The following ZNF804B variants were observed in gnomAD, a reference collection of about 807,000 sequenced individuals.
ZNF804B encodes zinc finger protein 804B.
A neutral mutation model predicts 101.4 loss-of-function variants in ZNF804B; 80 were observed. The observed-to-expected ratio is 0.79, with a 90% CI of 0.66 to 0.95. The LOEUF is 0.95. Ranked by LOEUF, ZNF804B falls within the 40% of genes least tolerant of loss-of-function variation. The probability of loss-of-function intolerance (pLI) is 0.00; values close to 1 mark genes in which losing one functional copy is unlikely to be tolerated. For missense variants in ZNF804B, 1,673 were observed against 1,561.9 expected (o/e 1.07, Z -1.20); for synonymous variants, 622 against 558.8 (o/e 1.11, Z -1.59).
intron 1 of ZNF804B, among the ~76,000 whole-genome samples, chr7:88,881,684 T>A (rs1792030917): frequency 6.6e-6 from 1 of 152,104 alleles, no homozygotes; most frequent in Non-Finnish European, 1.5e-5. Context: ...ACAAAAAAAA[T>A]AAATTAGTAA....
At chr7:88,984,667 G>A (rs1793735425) in intron 1 of ZNF804B, among the ~76,000 whole-genome samples, 1 of 152,006 alleles carries the variant, frequency 6.6e-6, no homozygotes, top group South Asian at 2.1e-4. Context: ...TACATTCCAA[G>A]TTAGCTCTCC....
intron 1 of ZNF804B, among the ~76,000 whole-genome samples, chr7:88,932,581 T>C (rs766822015): frequency 5.3e-5 from 8 of 151,602 alleles, no homozygotes; most frequent in African/African-American, 7.3e-5. Context: ...ACCAACACCA[T>C]AGAAATTCCA....
intron 1 of ZNF804B, among the ~76,000 whole-genome samples, chr7:88,763,837 A>T (rs1467994978): frequency 1.3e-5 from 2 of 152,164 alleles, no homozygotes; most frequent in Non-Finnish European, 2.9e-5. Flanking sequence ...ATTATGTTAT[A>T]TAGTCTTCTA....
chr7:88,834,547 C>T (rs138205711), intron 1 of ZNF804B, among the ~76,000 whole-genome samples: 1 of 151,538 alleles, frequency 6.6e-6, no homozygotes, highest in Middle Eastern at 3.2e-3. Flanking sequence ...TTATGAACCC[C>T]TTCTGAGATT....
At position 89,262,920 on chromosome 7, in the gene ZNF804B, TGTAA is replaced by T. The variant is rs1789731407; in HGVS notation, c.249+44628_249+44631del. 2.6e-5 allele frequency among the ~76,000 whole-genome samples: 4 copies of T among 152,220 alleles called. No homozygotes were observed. In the South Asian group the frequency reaches 6.2e-4, roughly 24 times the overall value. On this transcript the variant is annotated intron_variant, in intron 2 of 3. Transcript: ENST00000333190. ...ACTTTTTGCTAACTCTTTCAACACC[TGTAA>T]GTGTCTCTGTCATGGTTCTGATATT...
intron 2 of ZNF804B, among the ~76,000 whole-genome samples, chr7:89,269,978 G>C (rs1374231564): frequency 6.6e-6 from 1 of 152,086 alleles, no homozygotes. Flanking sequence ...TTTGTCAGAT[G>C]AGTAGATTGC....
rs1375748096 is a variant in ZNF804B at position 89,335,458 on chromosome 7, A to G, written c.2476A>G (p.Ile826Val). The G allele has an allele frequency of 2.5e-6, 4 of 1,613,988 alleles. No individual in the cohort carries two copies. In the Admixed American group the frequency reaches 6.7e-5, roughly 27 times the overall value. The part of the protein sequence containing the change: ...QFSGLKSTRI[I>V]YCDSNSQISC... ...TTCAGGGCTAAAATCTACGAGAATC[A>G]TCTATTGTGATTCTAACTCACAGAT... Residue 826 changes from isoleucine (I) to valine (V), a missense_variant, in exon 4 of 4, where the codon ATC becomes GTC. By Grantham distance (29) the Ile-to-Val change is conservative. Coordinates refer to ENST00000333190, the MANE Select transcript of ZNF804B (RefSeq NM_181646.5).
chr7:88,988,383 G>A (rs2116147639), intron 1 of ZNF804B, among the ~76,000 whole-genome samples: 1 of 152,196 alleles, frequency 6.6e-6, no homozygotes, highest in South Asian at 2.1e-4. Context: ...TTGTCAGCAA[G>A]AGAGAGATGT....
chr7:89,233,071 GCCA>G (rs1789223081), intron 2 of ZNF804B, among the ~76,000 whole-genome samples: 1 of 151,608 alleles, frequency 6.6e-6, no homozygotes, highest in Non-Finnish European at 1.5e-5. Flanking sequence ...ACAGGCGCCC[GCCA>G]CCACGCCTGG....
At chr7:88,848,973 TTAGA>T (rs1791414060) in intron 1 of ZNF804B, among the ~76,000 whole-genome samples, 2 of 152,132 alleles carry the variant, frequency 1.3e-5, no homozygotes, top group Non-Finnish European at 2.9e-5. Context: ...CAGCCGTGTG[TTAGA>T]TAGATCATAG....
rs1435109904 is a variant in ZNF804B at position 88,882,371 on chromosome 7, T to TA, written c.108+122288dup. ...TTGCTATTATTAAAAAGTAAAAACT[T>TA]ACAGTTATTGGTGAGGCTGCAGAGA... On this transcript the variant is annotated intron_variant, in intron 1 of 3. Transcript: ENST00000333190. Among the ~76,000 whole-genome samples, 10 of 152,108 alleles carry TA rather than the reference T, an allele frequency of 6.6e-5. No individual in the cohort carries two copies. The East Asian group carries it at 1.5e-3, about 24-fold the overall frequency.
At chr7:89,063,935 T>TTG (rs1488537496) in intron 1 of ZNF804B, among the ~76,000 whole-genome samples, 2 of 152,158 alleles carry the variant, frequency 1.3e-5, no homozygotes, top group African/African-American at 4.8e-5. Flanking sequence ...ATTAGTAGTA[T>TTG]TGTGTGTTAC....
intron 1 of ZNF804B, among the ~76,000 whole-genome samples, chr7:89,201,273 A>G (rs867870605): frequency 2.0e-5 from 3 of 152,054 alleles, no homozygotes; most frequent in South Asian, 2.1e-4. Context: ...AAGCTGACAA[A>G]TTCCAGAATT....
At chr7:89,222,064 G>A (rs1789012578) in intron 2 of ZNF804B, among the ~76,000 whole-genome samples, 1 of 151,868 alleles carries the variant, frequency 6.6e-6, no homozygotes, top group East Asian at 1.9e-4. Context: ...TAAATGAGCT[G>A]GATTTCTTAA....
intron 1 of ZNF804B, among the ~76,000 whole-genome samples, chr7:89,003,757 A>G (rs1399452999): frequency 1.3e-5 from 2 of 151,856 alleles, no homozygotes; most frequent in African/African-American, 4.8e-5. Context: ...ACTACTTCTG[A>G]CCCACAGATT....
At chr7:89,241,280 C>A (rs535896165) in intron 2 of ZNF804B, among the ~76,000 whole-genome samples, 1 of 152,172 alleles carries the variant, frequency 6.6e-6, no homozygotes, top group South Asian at 2.1e-4. Flanking sequence ...ATCCCAAGTT[C>A]CAGTACTTTT....
At chr7:89,226,008 T>C (rs1789083120) in intron 2 of ZNF804B, among the ~76,000 whole-genome samples, 1 of 152,142 alleles carries the variant, frequency 6.6e-6, no homozygotes, top group Admixed American at 6.5e-5. Context: ...GGATAGATTC[T>C]AAAAATTGTC....
chr7:88,978,389 T>G (rs1793647822), intron 1 of ZNF804B, among the ~76,000 whole-genome samples: 1 of 151,880 alleles, frequency 6.6e-6, no homozygotes, highest in Non-Finnish European at 1.5e-5. Context: ...TTGCTTTGTA[T>G]ATCTGAGTGC....
chr7:89,162,321 T>G (rs1250477033), intron 1 of ZNF804B, among the ~76,000 whole-genome samples: 1 of 152,204 alleles, frequency 6.6e-6, no homozygotes, highest in Non-Finnish European at 1.5e-5. Flanking sequence ...ATATTGGGAT[T>G]GAAAATGACT....
Sources: gnomAD v4.1 joint callset for allele counts (sites outside exome capture counted in the v4.1 genomes callset) on GRCh38, gnomAD v4.1.1 for gene constraint, MANE v1.5 for transcripts, NCBI Gene and HGNC (gene_info 2026-07-23, HGNC 2026-07-21) for gene names.